Variants in CDH6 observed in about 807,000 individuals in gnomAD.
CDH6 encodes cadherin-6.
Under a neutral mutation model 78.0 loss-of-function variants are expected in CDH6, and 31 were observed. That is an observed-to-expected ratio of 0.40 (90% CI 0.30 to 0.54). CDH6 has a LOEUF of 0.54. Among genes scored for constraint, CDH6 ranks in the 20% least tolerant of loss-of-function variants. The pLI, the probability that CDH6 is intolerant of heterozygous loss-of-function variation, is 0.56. For synonymous variants in CDH6, 376 were observed against 368.8 expected (o/e 1.02, Z -0.23); for missense variants, 724 against 975.9 (o/e 0.74, Z 3.44).
At chr5:31,240,405 A>G (rs1182871558) in intron 1 of CDH6, among the ~76,000 whole-genome samples, 5 of 152,184 alleles carry the variant, frequency 3.3e-5, no homozygotes, top group African/African-American at 2.4e-5. Context: ...GGTGTAGGAC[A>G]TGAGGAAAAG....
intron 7 of CDH6, among the ~76,000 whole-genome samples, chr5:31,305,831 G>GT (rs1737977233): frequency 6.6e-6 from 1 of 152,054 alleles, no homozygotes; most frequent in South Asian, 2.1e-4. Context: ...TTTATTTGTA[G>GT]TTTTTTTATT....
rs1738642420 is a variant in CDH6 at position 31,327,213 on chromosome 5, A to C, written c.*3905A>C. 1 of 187,180 alleles carries C rather than the reference A, an allele frequency of 5.3e-6. No homozygotes were observed. The highest frequency in any genetic ancestry group is 2.3e-5 in the African/African-American group (1 of 42,782). 11.6% of individuals were successfully genotyped at this position (187,180 alleles called of 1,614,324 possible). A position where few individuals can be genotyped will look rare whatever the true frequency, so the allele number is the denominator to read the frequency against. On this transcript the variant is annotated 3_prime_UTR_variant, in exon 12 of 12. Transcript: ENST00000265071. The stretch of plus-strand genomic sequence containing the variant: ...CAATTCTATATACTCAAGCACCATA[A>C]AAAGTATGCAGTTGAAAAGAAAATC...
chr5:31,306,537 A>G (rs565658887), intron 7 of CDH6, among the ~76,000 whole-genome samples: 2 of 152,308 alleles, frequency 1.3e-5, no homozygotes, highest in South Asian at 4.1e-4. Flanking sequence ...TGGGAGGCCA[A>G]GGTGGGCAGA....
chr5:31,264,917 G>A (rs1742300684), intron 1 of CDH6, among the ~76,000 whole-genome samples: 1 of 152,178 alleles, frequency 6.6e-6, no homozygotes. Flanking sequence ...AGTGGCAACA[G>A]CTTGTAGAGT....
chr5:31,282,532 A>G (rs1561056482), intron 2 of CDH6, among the ~76,000 whole-genome samples: 1 of 152,062 alleles, frequency 6.6e-6, no homozygotes, highest in Admixed American at 6.6e-5. Flanking sequence ...ATCCAAGATA[A>G]TCTCCCCATC....
At chr5:31,302,341 C>T in intron 6 of CDH6, 43 bp downstream of exon 6, 1 of 1,442,002 alleles carries the variant, frequency 6.9e-7, no homozygotes, top group Non-Finnish European at 9.5e-7. Flanking sequence ...AACCCATTTA[C>T]TTTTCTCCAG....
intron 1 of CDH6, among the ~76,000 whole-genome samples, chr5:31,196,439 T>C (rs1740169513): frequency 6.6e-6 from 1 of 152,174 alleles, no homozygotes; most frequent in South Asian, 2.1e-4. Context: ...GGAATTGAAA[T>C]GTGTGGTCCC....
chr5:31,203,231 T>C (rs1396199416), intron 1 of CDH6, among the ~76,000 whole-genome samples: 1 of 77,844 alleles, frequency 1.3e-5, no homozygotes, highest in Non-Finnish European at 2.8e-5. Flanking sequence ...TTCAGGCAGG[T>C]CCTTTTTTTT....
rs545052442 is a variant in CDH6, at chr5:31,210,876, AG to A, written c.-129+16991del. Among the ~76,000 whole-genome samples, 22 of 152,328 alleles carry A rather than the reference AG, an allele frequency of 1.4e-4. No homozygotes were observed. In the East Asian group the frequency reaches 4.2e-3, roughly 29 times the overall value. ...TGGAATCTGTGGAAGCTGAACGCAC[AG>A]ATACAGAGGGCCAACTGTATTGTAT... On this transcript the variant is annotated intron_variant, in intron 1 of 11. Transcript: ENST00000265071.
intron 1 of CDH6, among the ~76,000 whole-genome samples, chr5:31,207,994 A>C (rs528125089): frequency 6.6e-6 from 1 of 152,198 alleles, no homozygotes; most frequent in Non-Finnish European, 1.5e-5. Flanking sequence ...TTAAGAGTGC[A>C]TAAAGTGTAT....
At position 31,317,434 on chromosome 5, in the gene CDH6, G is replaced by T. The variant is rs756761364; in HGVS notation, c.1572G>T (p.Ser524=). ...ACCCTTATAGTGGACACCAATTTTC[G>T]TTTTCCTTGGCCCCTGAAGCAGCCA... is the stretch of plus-strand genomic sequence containing the variant. The part of the protein sequence containing the change: ...KDDPYSGHQF[S]FSLAPEAASG... Residue 524 remains serine, a synonymous_variant, in exon 10 of 12, where the codon TCG becomes TCT. Coordinates refer to ENST00000265071, the MANE Select transcript of CDH6 (RefSeq NM_004932.4). The T allele has an allele frequency of 1.2e-6, 2 of 1,613,164 alleles. No individual in the cohort carries two copies. The highest frequency in any genetic ancestry group is 2.7e-5 in the African/African-American group (2 of 74,856).
chr5:31,214,341 C>T (rs1561026501), intron 1 of CDH6, among the ~76,000 whole-genome samples: 1 of 152,048 alleles, frequency 6.6e-6, no homozygotes, highest in Admixed American at 6.5e-5. Flanking sequence ...TTTTAAAAGG[C>T]ATTAATTAAG....
At chr5:31,240,767 G>A (rs995406091) in intron 1 of CDH6, among the ~76,000 whole-genome samples, 8 of 152,160 alleles carry the variant, frequency 5.3e-5, no homozygotes, top group African/African-American at 1.9e-4. Context: ...GAGAAAATGG[G>A]CGTGTCATGA....
chr5:31,213,393 G>A (rs1031167320), intron 1 of CDH6, among the ~76,000 whole-genome samples: 12 of 152,148 alleles, frequency 7.9e-5, no homozygotes, highest in Admixed American at 5.2e-4. Flanking sequence ...TGGTGTCTCT[G>A]TCCTGTGTGG....
intron 7 of CDH6, among the ~76,000 whole-genome samples, chr5:31,309,562 G>A: frequency 6.6e-6 from 1 of 151,706 alleles, no homozygotes; most frequent in East Asian, 1.9e-4. Flanking sequence ...TTTTCTAATG[G>A]CCTTAACATA....
chr5:31,257,426 G>A (rs1332161866), intron 1 of CDH6, among the ~76,000 whole-genome samples: 2 of 152,206 alleles, frequency 1.3e-5, no homozygotes, highest in African/African-American at 2.4e-5. Context: ...GCCTCCCAAA[G>A]TGCTAGGATT....
intron 5 of CDH6, among the ~76,000 whole-genome samples, chr5:31,300,556 G>T (rs73758200): frequency 2.0e-5 from 3 of 152,168 alleles, no homozygotes; most frequent in African/African-American, 7.2e-5. Flanking sequence ...TAGAAGAAAG[G>T]TTCTATGAGG....
intron 4 of CDH6, among the ~76,000 whole-genome samples, chr5:31,298,511 C>G (rs1025327469): frequency 2.0e-5 from 3 of 152,172 alleles, no homozygotes; most frequent in African/African-American, 7.2e-5. Context: ...GCCGCACTTT[C>G]ACTGAAGGCA....
intron 1 of CDH6, among the ~76,000 whole-genome samples, chr5:31,214,140 T>TAAA (rs397809617): frequency 0.23 from 29,343 of 129,674 alleles, 3,942 homozygotes; most frequent in Middle Eastern, 0.39. Flanking sequence ...ATCTGTGCCT[T>TAAA]AAAAAAAAAA....
Sources: gnomAD v4.1 joint callset for allele counts (sites outside exome capture counted in the v4.1 genomes callset) on GRCh38, gnomAD v4.1.1 for gene constraint, MANE v1.5 for transcripts, NCBI Gene and HGNC (gene_info 2026-07-23, HGNC 2026-07-21) for gene names.